NOL4L: variants seen among roughly 807,000 people sequenced by gnomAD.
The protein encoded by NOL4L is nucleolar protein 4 like, also known as nucleolar protein 4-like.
A neutral mutation model predicts 64.5 loss-of-function variants in NOL4L; 7 were observed. The observed-to-expected ratio is 0.11, with a 90% confidence interval of 0.06 to 0.20. The LOEUF (loss-of-function observed/expected upper bound fraction) is 0.20, where lower values mean the gene tolerates loss of function less well. Ranked by LOEUF, NOL4L falls within the 10% of genes least tolerant of loss-of-function variation. The probability of loss-of-function intolerance (pLI) is 1.00; values close to 1 mark genes in which losing one functional copy is unlikely to be tolerated. For missense variants in NOL4L, 680 were observed against 967.1 expected (o/e 0.70, Z 3.94); for synonymous variants, 413 against 401.0 (o/e 1.03, Z -0.36).
At chr20:32,515,704 A>G (rs2017625484) in intron 3 of NOL4L, among the ~76,000 whole-genome samples, 1 of 152,116 alleles carries the variant, frequency 6.6e-6, no homozygotes, top group Non-Finnish European at 1.5e-5. Flanking sequence ...CTCCCTGCCC[A>G]TGGTCAACAT....
chr20:32,457,660 G>T (rs1476416461), intron 5 of NOL4L, among the ~76,000 whole-genome samples: 1 of 152,168 alleles, frequency 6.6e-6, no homozygotes, highest in African/African-American at 2.4e-5. Flanking sequence ...GGGAGGCCAC[G>T]GCGGCGCAGT....
Position 32,447,379 on chromosome 20 carries a change from C to G in NOL4L, c.*217G>C. 1 of 610,922 alleles carries G rather than the reference C, an allele frequency of 1.6e-6. No individual in the cohort carries two copies. The highest frequency in any genetic ancestry group is 1.7e-5 in the South Asian group (1 of 58,378). The allele number at this position is 610,922 out of a possible 1,614,324, so 37.8% of individuals were successfully genotyped here. On this transcript the variant is annotated 3_prime_UTR_variant, in exon 11 of 11. Coordinates refer to ENST00000621426, the MANE Select transcript of NOL4L (RefSeq NM_001256798.2). The stretch of plus-strand genomic sequence containing the variant: ...CCCCGTTGGCCTCTTCCAAGCAGGT[C>G]AGAGCACCCGTGTGGTGAGATTCCA...
chr20:32,560,496 TAACA>T (rs1437387619), intron 1 of NOL4L, among the ~76,000 whole-genome samples: 1 of 152,166 alleles, frequency 6.6e-6, no homozygotes, highest in South Asian at 2.1e-4. Flanking sequence ...AACTGTCACC[TAACA>T]AACAATTAAT....
intron 4 of NOL4L, among the ~76,000 whole-genome samples, chr20:32,487,256 G>T (rs545758786): frequency 6.6e-6 from 1 of 151,844 alleles, no homozygotes. Flanking sequence ...CGACAGGAGC[G>T]AAACTCCATC....
chr20:32,569,160 CA>C (rs1979613070), intron 1 of NOL4L, among the ~76,000 whole-genome samples: 4 of 152,200 alleles, frequency 2.6e-5, no homozygotes, highest in Admixed American at 2.0e-4. Context: ...GAACCAACGA[CA>C]TTTTGAAAAG....
rs1234923305 is a variant in NOL4L, at chr20:32,447,443, C to G, written c.*153G>C. The G allele has an allele frequency of 4.4e-6, 3 of 674,166 alleles. No individual in the cohort carries two copies. The highest frequency in any genetic ancestry group is 3.3e-5 in the Admixed American group (1 of 29,906). The allele number at this position is 674,166 out of a possible 1,614,324, so 41.8% of individuals were successfully genotyped here. A position where few individuals can be genotyped will look rare whatever the true frequency, so the allele number is the denominator to read the frequency against. ...AAAAAAAAAAAAGTGTCCTTGTGCC[C>G]AAAGTCTCAGGTGCTTGGAGTGTGG... is the stretch of plus-strand genomic sequence containing the variant. On this transcript the variant is annotated 3_prime_UTR_variant, in exon 11 of 11. Transcript: ENST00000621426.
intron 5 of NOL4L, among the ~76,000 whole-genome samples, chr20:32,466,587 C>T (rs956761357): frequency 5.4e-5 from 8 of 149,386 alleles, no homozygotes; most frequent in Non-Finnish European, 1.0e-4. Context: ...AGGAGGCCGC[C>T]GCCTGCTCAT....
Position 32,554,113 on chromosome 20 carries a change from G to T in NOL4L, c.322-26200C>A, listed in dbSNP as rs559366002. ...AGGCGGGCGGATCACAAGGTCAGGA[G>T]ATCGAGACCATCCTGGCTAACAGGG... is the stretch of plus-strand genomic sequence containing the variant. On this transcript the variant is annotated intron_variant, in intron 1 of 10. Transcript: ENST00000621426. Among the ~76,000 whole-genome samples the T allele has an allele frequency of 3.3e-5, 5 of 152,238 alleles. No individual in the cohort carries two copies. In the South Asian group the frequency reaches 8.3e-4, roughly 25 times the overall value.
intron 1 of NOL4L, among the ~76,000 whole-genome samples, chr20:32,550,302 A>C (rs563888616): frequency 6.6e-6 from 1 of 152,338 alleles, no homozygotes; most frequent in African/African-American, 2.4e-5. Context: ...GCTGGAGTGC[A>C]ATGGTGCGAT....
intron 1 of NOL4L, among the ~76,000 whole-genome samples, chr20:32,562,281 T>G (rs1979072452): frequency 6.6e-6 from 1 of 152,152 alleles, no homozygotes; most frequent in Non-Finnish European, 1.5e-5. Flanking sequence ...CCGGCTTCAC[T>G]GTCTCAGCCA....
Position 32,452,095 on chromosome 20 carries a change from C to T in NOL4L, c.1822+141G>A, listed in dbSNP as rs912111308. 4 of 631,326 alleles carry T rather than the reference C, an allele frequency of 6.3e-6. No individual in the cohort carries two copies. In the East Asian group the frequency reaches 1.0e-4, roughly 16 times the overall value. The allele number at this position is 631,326 out of a possible 1,614,324, so 39.1% of individuals were successfully genotyped here. ...AAGTGGAAGGGTGCCAGAGCCGCCC[C>T]TCCTGCTCCCTATGCTGTGAGGCAG... is the stretch of plus-strand genomic sequence containing the variant. On this transcript the variant is annotated intron_variant, in intron 10 of 10. Transcript: ENST00000621426.
Position 32,447,453 on chromosome 20 carries a change from G to A in NOL4L, c.*143C>T. The A allele has an allele frequency of 1.1e-6, 1 of 886,988 alleles. No individual in the cohort carries two copies. The highest frequency in any genetic ancestry group is 1.6e-6 in the Non-Finnish European group (1 of 608,940). The allele number at this position is 886,988 out of a possible 1,614,324, so 54.9% of individuals were successfully genotyped here. ...AAGTGTCCTTGTGCCCAAAGTCTCA[G>A]GTGCTTGGAGTGTGGCTAGAAACAG... On this transcript the variant is annotated 3_prime_UTR_variant, in exon 11 of 11. Transcript: ENST00000621426.
chr20:32,584,314 CG>C (rs1398854489), intron 1 of NOL4L, among the ~76,000 whole-genome samples: 1 of 151,012 alleles, frequency 6.6e-6, no homozygotes, highest in Non-Finnish European at 1.5e-5. Flanking sequence ...GTGAGCAGCC[CG>C]GGACAGCCTG....
intron 1 of NOL4L, among the ~76,000 whole-genome samples, chr20:32,553,226 T>A (rs1283889066): frequency 6.6e-6 from 1 of 152,080 alleles, no homozygotes; most frequent in Non-Finnish European, 1.5e-5. Context: ...TCTCCCTGGT[T>A]CACCTGGATC....
intron 1 of NOL4L, among the ~76,000 whole-genome samples, chr20:32,538,445 TCCTCCCTCCCTCCCTCGCTCCCTCCCTC>T (rs1234160269): frequency 3.9e-4 from 57 of 145,770 alleles, no homozygotes; most frequent in African/African-American, 1.4e-3. Flanking sequence ...GGCCATGACC[TCCTCCCTCCCTCCCTCGCTCCCTCCCTC>T]CCTCCCTCCC....
chr20:32,449,449 G>A (rs1044594815), intron 10 of NOL4L, among the ~76,000 whole-genome samples: 2 of 152,254 alleles, frequency 1.3e-5, no homozygotes, highest in African/African-American at 4.8e-5. Context: ...CTGCTAAAAG[G>A]AAGCTGGTGC....
Position 32,464,713 on chromosome 20 carries a change from G to A in NOL4L, c.842-8318C>T, listed in dbSNP as rs2014394003. The A allele has an allele frequency of 3.7e-6, 1 of 271,916 alleles. No homozygotes were observed. 16.8% of individuals were successfully genotyped at this position (271,916 alleles called of 1,614,324 possible). On this transcript the variant is annotated intron_variant, in intron 5 of 10. Coordinates refer to ENST00000621426, the MANE Select transcript of NOL4L (RefSeq NM_001256798.2). The surrounding 1 kb of genome is among the most constrained non-coding windows in gnomAD (Gnocchi z 5.6). ...GCACTGTCCGACAGAAACAGAGTGG[G>A]AGCCGCATGAGGGATTTGAGTGCCC...
At chr20:32,499,738 CAAAAAAAAAA>C (rs10692885) in intron 4 of NOL4L, among the ~76,000 whole-genome samples, 1 of 51,360 alleles carries the variant, frequency 1.9e-5, no homozygotes, top group Non-Finnish European at 3.8e-5. Context: ...GACCTTGTCT[CAAAAAAAAAA>C]AAAAAAAAAA....
At chr20:32,536,283 G>T in intron 1 of NOL4L, 11 of 985,372 alleles carry the variant, frequency 1.1e-5, no homozygotes, top group Non-Finnish European at 1.3e-5. Context: ...AGCCAGCCAG[G>T]CCCCGCGGGC....
Sources: gnomAD v4.1 joint callset for allele counts (sites outside exome capture counted in the v4.1 genomes callset) on GRCh38, gnomAD v4.1.1 for gene constraint, Gnocchi (gnomAD v3.1) non-coding constraint, MANE v1.5 for transcripts, NCBI Gene and HGNC (gene_info 2026-07-23, HGNC 2026-07-21) for gene names.